NRXN3: variants seen among roughly 807,000 people sequenced by gnomAD.
NRXN3 encodes neurexin III.
Under a neutral mutation model 137.6 loss-of-function variants are expected in NRXN3, and 32 were observed. The observed-to-expected ratio is 0.23, with a 90% CI of 0.18 to 0.31. The LOEUF (loss-of-function observed/expected upper bound fraction) is 0.31. Ranked by LOEUF, NRXN3 falls within the 10% of genes least tolerant of loss-of-function variation. The pLI is 1.00. For missense variants in NRXN3, 1,574 were observed against 2,062.5 expected, an observed-to-expected ratio of 0.76 and a Z score of 4.59; for synonymous variants, 798 against 784.5, an observed-to-expected ratio of 1.02 and a Z score of -0.29.
At chr14:79,576,115 G>A (rs2097662701) in intron 16 of NRXN3, among the ~76,000 whole-genome samples, 1 of 152,054 alleles carries the variant, frequency 6.6e-6, no homozygotes, top group Admixed American at 6.6e-5. Context: ...CTGTCTCTCT[G>A]GCATTATCCA....
intron 8 of NRXN3, among the ~76,000 whole-genome samples, chr14:78,747,810 A>T (rs2098618492): frequency 6.6e-6 from 1 of 152,090 alleles, no homozygotes; most frequent in South Asian, 2.1e-4. Flanking sequence ...TCTGCTCAAG[A>T]TCTTTTCTGC....
chr14:78,567,802 G>A (rs1433730632), intron 4 of NRXN3, among the ~76,000 whole-genome samples: 1 of 150,868 alleles, frequency 6.6e-6, no homozygotes, highest in Non-Finnish European at 1.5e-5. Context: ...GAGGTCTTTG[G>A]CCTCTAAGTG....
At chr14:78,262,257 T>C (rs546782265) in intron 2 of NRXN3, among the ~76,000 whole-genome samples, 1 of 152,172 alleles carries the variant, frequency 6.6e-6, no homozygotes, top group East Asian at 1.9e-4. Flanking sequence ...TAGTGATGGA[T>C]GGATGGATAG....
intron 14 of NRXN3, among the ~76,000 whole-genome samples, chr14:78,981,139 CT>C (rs2099488376): frequency 1.3e-5 from 2 of 152,142 alleles, no homozygotes; most frequent in South Asian, 4.1e-4. Flanking sequence ...GTCTGTCATG[CT>C]TATAAACGTA....
chr14:79,359,735 T>A (rs1599140843), intron 15 of NRXN3, among the ~76,000 whole-genome samples: 1 of 152,032 alleles, frequency 6.6e-6, no homozygotes, highest in Non-Finnish European at 1.5e-5. Context: ...CACACCTGGC[T>A]AATTTTTGTA....
intron 4 of NRXN3, among the ~76,000 whole-genome samples, chr14:78,304,366 A>G (rs897144811): frequency 6.6e-6 from 1 of 152,256 alleles, no homozygotes; most frequent in African/African-American, 2.4e-5. Flanking sequence ...ATGATGAAGT[A>G]GTAAATCCAT....
At chr14:79,430,940 T>C (rs1404030190) in intron 15 of NRXN3, among the ~76,000 whole-genome samples, 1 of 152,142 alleles carries the variant, frequency 6.6e-6, no homozygotes, top group Non-Finnish European at 1.5e-5. Flanking sequence ...TACAAACACA[T>C]ATTACCTTTT....
intron 16 of NRXN3, among the ~76,000 whole-genome samples, chr14:79,526,981 G>A (rs1425620269): frequency 6.6e-6 from 1 of 152,136 alleles, no homozygotes; most frequent in Non-Finnish European, 1.5e-5. Flanking sequence ...AATTATCTAA[G>A]TAGTAGTAAC....
chr14:79,385,207 C>CCCA (rs1555414043), intron 15 of NRXN3, among the ~76,000 whole-genome samples: 1 of 95,824 alleles, frequency 1.0e-5, no homozygotes, highest in African/African-American at 3.2e-5. Flanking sequence ...CTATCCTTCC[C>CCCA]CCCGCCCCCA....
chr14:79,700,703 G>A (rs907797728), intron 19 of NRXN3, among the ~76,000 whole-genome samples: 2 of 152,016 alleles, frequency 1.3e-5, no homozygotes, highest in Non-Finnish European at 2.9e-5. Flanking sequence ...ATGTGAACAA[G>A]TAGTTTTTGA....
chr14:78,996,808 G>A (rs941350860), intron 15 of NRXN3, among the ~76,000 whole-genome samples: 7 of 152,116 alleles, frequency 4.6e-5, no homozygotes, highest in Non-Finnish European at 1.5e-5. Flanking sequence ...AGGAGTGGCA[G>A]CACCAAAGGT....
chr14:78,489,002 C>G (rs2095616536), intron 4 of NRXN3, among the ~76,000 whole-genome samples: 1 of 152,090 alleles, frequency 6.6e-6, no homozygotes, highest in Admixed American at 6.5e-5. Context: ...AAACTCCCAG[C>G]TGCTTCTAAG....
At chr14:78,482,978 T>A (rs12892860) in intron 4 of NRXN3, among the ~76,000 whole-genome samples, 7 of 152,196 alleles carry the variant, frequency 4.6e-5, no homozygotes, top group Admixed American at 6.5e-5. Context: ...AGTACCCATC[T>A]TCCTGTCTCC....
chr14:79,724,533 C>G (rs1264753132), intron 19 of NRXN3, among the ~76,000 whole-genome samples: 2 of 152,084 alleles, frequency 1.3e-5, no homozygotes, highest in African/African-American at 4.8e-5. Context: ...TGCTGTTATC[C>G]AGTGAGCAGA....
At chr14:78,841,117 T>G (rs2099011132) in intron 10 of NRXN3, among the ~76,000 whole-genome samples, 1 of 152,118 alleles carries the variant, frequency 6.6e-6, no homozygotes, top group Non-Finnish European at 1.5e-5. Flanking sequence ...TCTGAGTGTT[T>G]TTTCAAGATT....
At chr14:79,253,998 G>A (rs2076267587) in intron 15 of NRXN3, among the ~76,000 whole-genome samples, 7 of 152,158 alleles carry the variant, frequency 4.6e-5, no homozygotes, top group Admixed American at 4.6e-4. Flanking sequence ...ATCAGCATGA[G>A]AGCATCTAAA....
chr14:78,860,972 G>T (rs2099070714), intron 10 of NRXN3, among the ~76,000 whole-genome samples: 1 of 152,100 alleles, frequency 6.6e-6, no homozygotes, highest in Non-Finnish European at 1.5e-5. Flanking sequence ...GGGGTCGACT[G>T]TACCTTGATA....
chr14:79,334,306 A>G (rs1204518299), intron 15 of NRXN3, among the ~76,000 whole-genome samples: 1 of 152,198 alleles, frequency 6.6e-6, no homozygotes, highest in Non-Finnish European at 1.5e-5. Flanking sequence ...GTGCTAGGGC[A>G]TGCTATTTTG....
chr14:78,946,362 G>A (rs1390154266), intron 10 of NRXN3, among the ~76,000 whole-genome samples: 4 of 152,184 alleles, frequency 2.6e-5, no homozygotes, highest in African/African-American at 9.6e-5. Flanking sequence ...GACAGTTGAT[G>A]ACTTCCAGAT....
Sources: gnomAD v4.1 joint callset for allele counts (sites outside exome capture counted in the v4.1 genomes callset) on GRCh38, gnomAD v4.1.1 for gene constraint, MANE v1.5 for transcripts, NCBI Gene and HGNC (gene_info 2026-07-23, HGNC 2026-07-21) for gene names.